The following MYO1B variants were observed in gnomAD, a reference collection of about 807,000 sequenced individuals.
The protein encoded by MYO1B is myosin IB.
Under a neutral mutation model 159.7 loss-of-function variants are expected in MYO1B, and 72 were observed. The ratio of observed to expected loss-of-function variants is 0.45; its 90% confidence interval spans 0.37 to 0.55. The LOEUF is 0.55. Among genes scored for constraint, MYO1B ranks in the 20% least tolerant of loss-of-function variants. The pLI, the probability that MYO1B is intolerant of heterozygous loss-of-function variation, is 0.00. For synonymous variants in MYO1B, 468 were observed against 473.8 expected, an observed-to-expected ratio of 0.99 and a Z score of 0.16; for missense variants, 1,062 against 1,364.8, an observed-to-expected ratio of 0.78 and a Z score of 3.50.
chr2:191,363,618 G>C, intron 9 of MYO1B, 110 bp from the exon 10 acceptor site: 1 of 1,380,480 alleles, frequency 7.2e-7, no homozygotes, highest in Non-Finnish European at 9.6e-7. Flanking sequence ...ATATAGCTTT[G>C]TCTTTTATGG....
chr2:191,249,963 C>G (rs1686016270), intron 1 of MYO1B, among the ~76,000 whole-genome samples: 1 of 152,218 alleles, frequency 6.6e-6, no homozygotes, highest in South Asian at 2.1e-4. Context: ...TGCTTCCCAG[C>G]ATTACACTCT....
rs57237733 is a variant in MYO1B at position 191,260,254 on chromosome 2, C to CTTTTTTTTTTTTTTTTTTTTTTTTTTTT, written c.-10+14641_-10+14642insTTTTTTTTTTTTTTTTTTTTTTTTTTTT. On this transcript the variant is annotated intron_variant, in intron 1 of 30. Transcript: ENST00000392318. ...TAATATTACTTTTTTCCCAGATAGG[C>CTTTTTTTTTTTTTTTTTTTTTTTTTTTT]TTTTTTTTTTTTTGAATTAAAGCTA... is the stretch of plus-strand genomic sequence containing the variant. Among the ~76,000 whole-genome samples, 61 of 60,994 alleles carry CTTTTTTTTTTTTTTTTTTTTTTTTTTTT rather than the reference C, an allele frequency of 1.0e-3. 21 individuals are homozygous for CTTTTTTTTTTTTTTTTTTTTTTTTTTTT. The highest frequency in any genetic ancestry group is 1.7e-3 in the East Asian group (2 of 1,200). The allele number at this position is 60,994 out of a possible 152,430, so 40.0% of individuals were successfully genotyped here. A position where few individuals can be genotyped will look rare whatever the true frequency, so the allele number is the denominator to read the frequency against.
intron 5 of MYO1B, among the ~76,000 whole-genome samples, chr2:191,344,523 A>G (rs186538337): frequency 1.1e-4 from 16 of 152,328 alleles, no homozygotes; most frequent in South Asian, 2.1e-4. Flanking sequence ...AGCTTGGGCA[A>G]CTATCTTTTT....
intron 30 of MYO1B, among the ~76,000 whole-genome samples, chr2:191,416,995 C>T (rs1697617166): frequency 6.6e-6 from 1 of 152,200 alleles, no homozygotes; most frequent in Admixed American, 6.5e-5. Flanking sequence ...TTGGAGAAAT[C>T]TGAGTTACTG....
At chr2:191,320,549 A>T (rs1690640902) in intron 3 of MYO1B, among the ~76,000 whole-genome samples, 1 of 152,072 alleles carries the variant, frequency 6.6e-6, no homozygotes. Context: ...ATCTGTCTAT[A>T]TTCAGGCATC....
intron 16 of MYO1B, among the ~76,000 whole-genome samples, 175 bp from the exon 17 acceptor site, chr2:191,387,048 CA>C (rs1198340015): frequency 1.1e-4 from 17 of 152,248 alleles, no homozygotes; most frequent in African/African-American, 4.1e-4. Flanking sequence ...GTGATTTAGA[CA>C]GATGGAATTT....
intron 30 of MYO1B, 185 bp downstream of exon 30, chr2:191,416,427 C>T: frequency 3.1e-6 from 2 of 648,372 alleles, no homozygotes; most frequent in South Asian, 4.0e-5. Context: ...TACCTGACAT[C>T]CTAGTGGAAG....
chr2:191,255,354 A>T (rs1054141522), intron 1 of MYO1B, among the ~76,000 whole-genome samples: 3 of 152,210 alleles, frequency 2.0e-5, no homozygotes, highest in Non-Finnish European at 4.4e-5. Flanking sequence ...CGATACTGTG[A>T]AGGAAAAGGA....
At chr2:191,268,551 TG>T (rs1303072986) in intron 1 of MYO1B, among the ~76,000 whole-genome samples, 10 of 152,118 alleles carry the variant, frequency 6.6e-5, no homozygotes, top group African/African-American at 2.4e-4. Context: ...TGGTTTAAGT[TG>T]GGGGGTATTT....
chr2:191,380,455 C>A (rs1694972332), intron 13 of MYO1B, among the ~76,000 whole-genome samples: 1 of 152,172 alleles, frequency 6.6e-6, no homozygotes, highest in South Asian at 2.1e-4. Context: ...GTCATACTAT[C>A]CCTCGCTCCC....
At chr2:191,271,518 TAA>T (rs60687811) in intron 1 of MYO1B, among the ~76,000 whole-genome samples, 3,509 of 149,704 alleles carry the variant, frequency 0.023, 121 homozygotes, top group African/African-American at 0.077. Context: ...TATTTAAATC[TAA>T]AAAAAAAAAA....
intron 1 of MYO1B, among the ~76,000 whole-genome samples, chr2:191,274,285 ACTCTATTC>A (rs1687624499): frequency 6.6e-6 from 1 of 152,190 alleles, no homozygotes; most frequent in Non-Finnish European, 1.5e-5. Context: ...TTTCTTTTGC[ACTCTATTC>A]CTCTTTGGAT....
At chr2:191,337,493 G>A (rs540811055) in intron 4 of MYO1B, among the ~76,000 whole-genome samples, 1 of 152,218 alleles carries the variant, frequency 6.6e-6, no homozygotes, top group African/African-American at 2.4e-5. Flanking sequence ...GAAGTATTTT[G>A]TAACAGGCCC....
At chr2:191,346,048 A>G (rs1178902296) in intron 5 of MYO1B, among the ~76,000 whole-genome samples, 188 bp from the exon 6 acceptor site, 1 of 152,218 alleles carries the variant, frequency 6.6e-6, no homozygotes, top group Non-Finnish European at 1.5e-5. Context: ...AACTTGTAAG[A>G]CATGGAAGCT....
chr2:191,396,118 A>G lies in MYO1B; in HGVS notation c.2227-311A>G, dbSNP rs113463532. Among the ~76,000 whole-genome samples, 600 of 152,334 alleles carry G rather than the reference A, an allele frequency of 3.9e-3. 2 individuals carry two copies. The highest frequency in any genetic ancestry group is 0.014 in the African/African-American group (579 of 41,572). Reference sequence around the variant, plus strand: ...AGAACTCAGTGGGTTTTCATTCAATATGCATTTACTGAGTATCTGCCTTGT... The same window carrying G: ...AGAACTCAGTGGGTTTTCATTCAATGTGCATTTACTGAGTATCTGCCTTGT... On this transcript the variant is annotated intron_variant, in intron 20 of 30. Coordinates refer to ENST00000392318, the MANE Select transcript of MYO1B (RefSeq NM_001130158.3).
rs1415276585 is a variant in MYO1B, at chr2:191,398,365, G to A, written c.2295+1868G>A. ...GGGCTCCTCACTTCCCAGTAGGGGCGGCTGGGCAGAGGAGCCCCTCACCTC... is the reference window on the plus strand; with the variant it reads ...GGGCTCCTCACTTCCCAGTAGGGGCAGCTGGGCAGAGGAGCCCCTCACCTC... On this transcript the variant is annotated intron_variant, in intron 21 of 30. Transcript: ENST00000392318. 7.0e-5 allele frequency among the ~76,000 whole-genome samples: 9 copies of A among 129,460 alleles called. 1 individual carries two copies. Among genetic ancestry groups the A allele is most frequent in the African/African-American group, 2.2e-4 (8 of 35,974 alleles). 84.9% of individuals were successfully genotyped at this position (129,460 alleles called of 152,430 possible).
At chr2:191,401,689 TCAA>T (rs1696626928) in intron 23 of MYO1B, 1 of 152,158 alleles carries the variant, frequency 6.6e-6, no homozygotes, top group African/African-American at 2.4e-5. Flanking sequence ...ATGAGAAAAG[TCAA>T]CATCTGCCTG....
chr2:191,373,103 G>T (rs1272437094), intron 13 of MYO1B, among the ~76,000 whole-genome samples: 1 of 151,946 alleles, frequency 6.6e-6, no homozygotes, highest in Non-Finnish European at 1.5e-5. Context: ...ACCCACCTCA[G>T]CCTCCCAAAG....
intron 1 of MYO1B, among the ~76,000 whole-genome samples, chr2:191,274,536 C>A (rs1289345422): frequency 6.6e-6 from 1 of 152,170 alleles, no homozygotes; most frequent in East Asian, 1.9e-4. Context: ...ATTTTTGAAA[C>A]CCTTCTCAGG....
Sources: allele counts gnomAD v4.1 joint callset (sites outside exome capture counted in the v4.1 genomes callset), GRCh38; gene constraint gnomAD v4.1.1; transcripts MANE v1.5; gene names NCBI Gene and HGNC (gene_info 2026-07-23, HGNC 2026-07-21).